The following LRRC47 variants were observed in gnomAD, a reference collection of about 807,000 sequenced individuals.
LRRC47 encodes leucine-rich repeat-containing protein 47.
A neutral mutation model predicts 40.9 loss-of-function variants in LRRC47; 31 were observed. The ratio of observed to expected loss-of-function variants is 0.76; its 90% CI spans 0.57 to 1.02. LRRC47 has a LOEUF of 1.02. LRRC47 is among the 50% of genes least tolerant of loss of function. The pLI is 0.00. For synonymous variants in LRRC47, 427 were observed against 371.9 expected (o/e 1.15, Z -1.70); for missense variants, 726 against 796.1 (o/e 0.91, Z 1.06).
At chr1:3,792,210 G>A (rs1263146355) in intron 1 of LRRC47, among the ~76,000 whole-genome samples, 1 of 152,216 alleles carries the variant, frequency 6.6e-6, no homozygotes, top group Non-Finnish European at 1.5e-5. Context: ...CCTCAGAAAG[G>A]TACCCAAAAG....
intron 1 of LRRC47, among the ~76,000 whole-genome samples, chr1:3,795,534 A>T (rs1427693908): frequency 6.6e-6 from 1 of 152,266 alleles, no homozygotes; most frequent in Non-Finnish European, 1.5e-5. Flanking sequence ...CAAAAAAGAC[A>T]GGTCTCTACG....
Position 3,784,066 on chromosome 1 carries a change from G to A in LRRC47, c.1240C>T (p.Arg414Trp), listed in dbSNP as rs372947494. The change falls in exon 4 of 7, where the codon CGG becomes TGG. Residue 414 changes from arginine to tryptophan, a missense_variant. Arg to Trp is a moderately radical substitution (Grantham distance 101). Transcript: ENST00000378251. ...RKEAKAKELV[R>W]QLQLEAEEQR... is the part of the protein sequence containing the mutation. ...TCCTCGGCCTCCAGCTGCAGCTGCC[G>A]CACCAGCTCCTTGGCCTTGGCTTCT... 2.5e-5 allele frequency: 41 copies of A among 1,613,082 alleles called. 1 individual carries two copies. The highest frequency in any genetic ancestry group is 6.7e-5 in the Admixed American group (4 of 59,966).
chr1:3,788,698 C>T (rs767889417), intron 1 of LRRC47, among the ~76,000 whole-genome samples: 25 of 152,186 alleles, frequency 1.6e-4, no homozygotes, highest in Middle Eastern at 3.4e-3. Context: ...AATGGGATGG[C>T]GCTCAGAAGC....
In LRRC47 at chr1:3,786,894, C is replaced by CAT. The variant is rs770983967; in HGVS notation, c.1030_1031dup (p.Met344IlefsTer116). ...TGAGTGCATTCCCTGGCTGCAGGTC[C>CAT]ATGCCTCGCACCACGGCCCCCACAA... On this transcript the variant is annotated frameshift_variant, in exon 2 of 7. Transcript: ENST00000378251. LOFTEE classifies it high-confidence loss of function. The CAT allele has an allele frequency of 1.0e-5, 16 of 1,605,098 alleles. No homozygotes were observed. The highest frequency in any genetic ancestry group is 1.3e-5 in the Non-Finnish European group (15 of 1,175,980).
In LRRC47 at chr1:3,787,026, G is replaced by T; in HGVS notation, c.900C>A (p.Asp300Glu). 6.2e-7 allele frequency: 1 copy of T among 1,611,548 alleles called. No homozygotes were observed. The highest frequency in any genetic ancestry group is 1.3e-5 in the African/African-American group (1 of 74,994). ...GCAGCAGCCGGCCGGCATCTCCCAC[G>T]TCCTGCTCCTCCCCATCACCACCTT... ...RREGGDGEEQ[D>E]VGDAGRLLLR... Residue 300 changes from aspartate to glutamate, a missense_variant, in exon 2 of 7, where the codon GAC becomes GAA. Physicochemically the swap from Asp to Glu is conservative, Grantham distance 45 (BLOSUM62 2). Transcript: ENST00000378251.
chr1:3,789,650 C>T (rs1361310186), intron 1 of LRRC47, among the ~76,000 whole-genome samples: 2 of 152,234 alleles, frequency 1.3e-5, no homozygotes, highest in Non-Finnish European at 2.9e-5. Context: ...CTGAGCAGCT[C>T]AGGACCTGCC....
chr1:3,792,790 T>A (rs995540114), intron 1 of LRRC47, among the ~76,000 whole-genome samples: 2 of 152,214 alleles, frequency 1.3e-5, no homozygotes, highest in Non-Finnish European at 2.9e-5. Flanking sequence ...AAGACATCTA[T>A]GAATTTGAAG....
intron 1 of LRRC47, among the ~76,000 whole-genome samples, chr1:3,793,656 T>C (rs976973083): frequency 6.6e-6 from 1 of 152,272 alleles, no homozygotes; most frequent in African/African-American, 2.4e-5. Context: ...CTGTGGAACC[T>C]AAGACCGGCC....
chr1:3,793,116 C>CA (rs1557644581), intron 1 of LRRC47, among the ~76,000 whole-genome samples: 3 of 146,298 alleles, frequency 2.1e-5, no homozygotes, highest in Non-Finnish European at 4.5e-5. Flanking sequence ...TTCCAACTAC[C>CA]TTTTTTTTTT....
chr1:3,788,569 G>A (rs1037274635), intron 1 of LRRC47, among the ~76,000 whole-genome samples: 27 of 152,190 alleles, frequency 1.8e-4, no homozygotes, highest in African/African-American at 6.0e-4. Context: ...ATGGATGGCA[G>A]GGGTGATGGA....
intron 1 of LRRC47, among the ~76,000 whole-genome samples, chr1:3,792,800 G>A (rs1643639809): frequency 6.6e-6 from 1 of 152,216 alleles, no homozygotes; most frequent in African/African-American, 2.4e-5. Context: ...TGAATTTGAA[G>A]AGAAATATTG....
intron 2 of LRRC47, among the ~76,000 whole-genome samples, chr1:3,786,262 C>T (rs1287960524): frequency 6.6e-6 from 1 of 152,148 alleles, no homozygotes; most frequent in Admixed American, 6.5e-5. Context: ...CTTTGGGAGG[C>T]CAAGGCGGGT....
At chr1:3,787,416 C>CAGACAGGCCAGTGG in intron 1 of LRRC47, 106 bp from the exon 2 acceptor site, 1 of 1,130,154 alleles carries the variant, frequency 8.8e-7, no homozygotes, top group Non-Finnish European at 1.2e-6. Context: ...AGAGCCACCA[C>CAGACAGGCCAGTGG]TGGCCTGTCT....
At chr1:3,790,547 C>T (rs1643617626) in intron 1 of LRRC47, among the ~76,000 whole-genome samples, 1 of 152,218 alleles carries the variant, frequency 6.6e-6, no homozygotes, top group Non-Finnish European at 1.5e-5. Context: ...ATCCTCGGCT[C>T]ACCACAGCAC....
At chr1:3,794,401 T>C (rs1643654635) in intron 1 of LRRC47, among the ~76,000 whole-genome samples, 1 of 152,032 alleles carries the variant, frequency 6.6e-6, no homozygotes, top group Non-Finnish European at 1.5e-5. Flanking sequence ...CTCGCTCTGT[T>C]CAGGCTGGTA....
chr1:3,781,691 AC>A, intron 5 of LRRC47, 90 bp from the exon 6 acceptor site: 1 of 1,081,006 alleles, frequency 9.3e-7, no homozygotes, highest in Non-Finnish European at 1.4e-6. Flanking sequence ...AATCTACAAA[AC>A]TGTGTGGCCA....
At position 3,781,285 on chromosome 1, in the gene LRRC47, G is replaced by C; in HGVS notation, c.1555C>G (p.Leu519Val). The C allele has an allele frequency of 1.2e-6, 2 of 1,614,180 alleles. No individual in the cohort carries two copies. The highest frequency in any genetic ancestry group is 1.7e-6 in the Non-Finnish European group (2 of 1,180,010). ...YTLENKEEGSLSDTEADAVSG... is the reference protein window; with the variant it reads ...YTLENKEEGSVSDTEADAVSG... ...ACTGCATCGGCTTCAGTATCTGAGA[G>C]TGATCCTTCCTCTTTATTTTCTAAA... Residue 519 changes from leucine (L) to valine (V), a missense_variant, in exon 7 of 7, where the codon CTC becomes GTC. By Grantham distance (32) the Leu-to-Val change is conservative. Coordinates refer to ENST00000378251, the MANE Select transcript of LRRC47 (RefSeq NM_020710.3).
At chr1:3,788,160 AGGC>A (rs1480152251) in intron 1 of LRRC47, among the ~76,000 whole-genome samples, 2 of 152,216 alleles carry the variant, frequency 1.3e-5, no homozygotes, top group African/African-American at 4.8e-5. Context: ...CCATGACGTG[AGGC>A]GGCCGCTGCA....
Position 3,796,493 on chromosome 1 carries a change from G to A in LRRC47, c.-17C>T. 1 of 1,497,446 alleles carries A rather than the reference G, an allele frequency of 6.7e-7. No individual in the cohort carries two copies. The highest frequency in any genetic ancestry group is 2.8e-5 in the East Asian group (1 of 36,126). The allele number at this position is 1,497,446 out of a possible 1,614,324, so 92.8% of individuals were successfully genotyped here. On this transcript the variant is annotated 5_prime_UTR_variant, in exon 1 of 7. Transcript: ENST00000378251. ...CGCCGCCATGGCGCCTCAGCTGCTGGCAGGCACCCACCCACCAGGGTGCTT... is the reference window on the plus strand; with the variant it reads ...CGCCGCCATGGCGCCTCAGCTGCTGACAGGCACCCACCCACCAGGGTGCTT...
Sources: gnomAD v4.1 joint callset for allele counts (sites outside exome capture counted in the v4.1 genomes callset) on GRCh38, gnomAD v4.1.1 for gene constraint, MANE v1.5 for transcripts, NCBI Gene and HGNC (gene_info 2026-07-23, HGNC 2026-07-21) for gene names.